The following BRD10 variants were observed in gnomAD, a reference collection of about 807,000 sequenced individuals.
BRD10 encodes bromodomain containing 10.
At chr9:6,005,936 G>A in the BRD10 span, among the ~76,000 whole-genome samples, 1 of 152,130 alleles carries the variant, frequency 6.6e-6, no homozygotes, top group Non-Finnish European at 1.5e-5. Flanking sequence ...ACGAAGACAG[G>A]CACTATGTTA....
At chr9:5,948,501 T>G in the BRD10 span, among the ~76,000 whole-genome samples, 5 of 144,016 alleles carry the variant, frequency 3.5e-5, no homozygotes, top group Non-Finnish European at 7.7e-5. Context: ...CCTGTAGAGA[T>G]AAAAAAAAAA....
chr9:5,960,898 T>C, the BRD10 span, among the ~76,000 whole-genome samples: 1 of 152,252 alleles, frequency 6.6e-6, no homozygotes, highest in Non-Finnish European at 1.5e-5. Flanking sequence ...GGGACCTATT[T>C]ATTGCCCAAA....
At chr9:6,000,192 C>T in the BRD10 span, among the ~76,000 whole-genome samples, 1 of 151,976 alleles carries the variant, frequency 6.6e-6, no homozygotes, top group Non-Finnish European at 1.5e-5. Flanking sequence ...ACTTAATATT[C>T]TGACTGTAAT....
chr9:5,947,061 G>T, the BRD10 span, among the ~76,000 whole-genome samples: 4 of 152,088 alleles, frequency 2.6e-5, no homozygotes, highest in Admixed American at 2.6e-4. Context: ...GAAGTCAACA[G>T]ATATTTATGT....
the BRD10 span, among the ~76,000 whole-genome samples, chr9:5,958,872 G>C: frequency 1.3e-5 from 2 of 152,126 alleles, no homozygotes; most frequent in African/African-American, 4.8e-5. Context: ...CAGAACTAGA[G>C]CCTAAACTTG....
the BRD10 span, among the ~76,000 whole-genome samples, chr9:5,945,736 A>G: frequency 2.0e-5 from 3 of 152,072 alleles, no homozygotes; most frequent in African/African-American, 7.2e-5. Flanking sequence ...ATTATACTGA[A>G]TTTCTCCAAT....
the BRD10 span, among the ~76,000 whole-genome samples, chr9:6,004,998 T>G: frequency 1.3e-5 from 2 of 152,236 alleles, no homozygotes; most frequent in African/African-American, 4.8e-5. Flanking sequence ...TTTTTGCTAC[T>G]AAAATAGCAA....
the BRD10 span, among the ~76,000 whole-genome samples, chr9:5,995,413 C>A: frequency 6.6e-6 from 1 of 152,342 alleles, no homozygotes; most frequent in Admixed American, 6.5e-5. Context: ...AATCACTACA[C>A]AGGTCTTCAG....
the BRD10 span, chr9:5,919,957 A>G: frequency 5.6e-6 from 9 of 1,613,910 alleles, no homozygotes; most frequent in South Asian, 2.2e-5. Flanking sequence ...TCTTAGCCAA[A>G]AGAGTAGCTG....
chr9:5,942,548 AT>A, the BRD10 span, among the ~76,000 whole-genome samples: 1 of 152,180 alleles, frequency 6.6e-6, no homozygotes, highest in Non-Finnish European at 1.5e-5. Flanking sequence ...GCAAACTTTT[AT>A]TGTCTATTTG....
chr9:5,976,774 CAAAA>C, the BRD10 span, among the ~76,000 whole-genome samples: 1 of 114,014 alleles, frequency 8.8e-6, no homozygotes, highest in African/African-American at 3.2e-5. Context: ...GAAAGGACAG[CAAAA>C]AAAAAAAAAA....
At chr9:5,961,895 G>A in the BRD10 span, among the ~76,000 whole-genome samples, 2 of 152,188 alleles carry the variant, frequency 1.3e-5, no homozygotes, top group African/African-American at 2.4e-5. Context: ...TCACCTGCCG[G>A]TCTATCAATT....
At chr9:5,975,349 G>C in the BRD10 span, among the ~76,000 whole-genome samples, 3 of 134,750 alleles carry the variant, frequency 2.2e-5, no homozygotes, top group Non-Finnish European at 4.6e-5. Context: ...TGAAGCAGAA[G>C]AATCGCTTGA....
the BRD10 span, chr9:5,921,530 G>A: frequency 4.3e-6 from 7 of 1,613,906 alleles, no homozygotes; most frequent in South Asian, 3.3e-5. Context: ...CATATTAATT[G>A]CAGTTCCATT....
the BRD10 span, among the ~76,000 whole-genome samples, chr9:5,901,227 T>C: frequency 6.6e-6 from 1 of 152,176 alleles, no homozygotes; most frequent in Non-Finnish European, 1.5e-5. Flanking sequence ...TCCAGTTTAT[T>C]GCATTAGTTA....
At chr9:5,987,516 A>G in the BRD10 span, among the ~76,000 whole-genome samples, 3 of 152,248 alleles carry the variant, frequency 2.0e-5, no homozygotes, top group South Asian at 6.2e-4. Flanking sequence ...AAGGAAAAAA[A>G]AAATACTTTA....
chr9:5,998,886 G>A, the BRD10 span, among the ~76,000 whole-genome samples: 3 of 151,908 alleles, frequency 2.0e-5, no homozygotes, highest in South Asian at 2.1e-4. Context: ...AATATAAATG[G>A]TTCTCATACT....
the BRD10 span, among the ~76,000 whole-genome samples, chr9:5,994,341 C>T: frequency 1.3e-5 from 2 of 152,068 alleles, no homozygotes; most frequent in South Asian, 2.1e-4. Context: ...CTTGAGAAGC[C>T]AGATCATGAA....
the BRD10 span, chr9:5,919,598 T>C: frequency 9.6e-7 from 1 of 1,043,586 alleles, no homozygotes; most frequent in Non-Finnish European, 1.3e-6. Context: ...TATAGTATGC[T>C]TTCAACAGTA....
Sources: allele counts gnomAD v4.1 joint callset (sites outside exome capture counted in the v4.1 genomes callset), GRCh38; gene constraint gnomAD v4.1.1; transcripts MANE v1.5; gene names NCBI Gene and HGNC (gene_info 2026-07-23, HGNC 2026-07-21).